RALYL: variants seen among roughly 807,000 people sequenced by gnomAD.
The protein encoded by RALYL is RNA-binding Raly-like protein.
Under a neutral mutation model 35.1 loss-of-function variants are expected in RALYL, and 29 were observed. That is an observed-to-expected ratio of 0.83 (90% CI 0.61 to 1.13). RALYL has a LOEUF of 1.13. RALYL is among the 50% of genes most tolerant of loss of function. The probability of loss-of-function intolerance (pLI) is 0.00; values close to 1 mark genes in which losing one functional copy is unlikely to be tolerated. For missense variants in RALYL, 359 were observed against 360.4 expected (o/e 1.00, Z 0.03); for synonymous variants, 120 against 127.6 (o/e 0.94, Z 0.40).
intron 4 of RALYL, among the ~76,000 whole-genome samples, chr8:84,838,101 T>A (rs1156515173): frequency 5.3e-5 from 8 of 152,142 alleles, no homozygotes; most frequent in Non-Finnish European, 5.9e-5. Context: ...TCTCAGTTTA[T>A]GAGGGAGAAA....
chr8:84,320,085 G>T (rs1844515517), intron 1 of RALYL, among the ~76,000 whole-genome samples: 2 of 151,904 alleles, frequency 1.3e-5, no homozygotes, highest in Non-Finnish European at 2.9e-5. Flanking sequence ...TCTATAGTTG[G>T]AATTCTAATT....
At chr8:84,387,153 G>T (rs1287537218) in intron 1 of RALYL, among the ~76,000 whole-genome samples, 1 of 151,810 alleles carries the variant, frequency 6.6e-6, no homozygotes, top group Non-Finnish European at 1.5e-5. Context: ...AACTAGCAGT[G>T]CCAGGGACAT....
chr8:84,407,624 C>T (rs933639460), intron 1 of RALYL, among the ~76,000 whole-genome samples: 5 of 151,918 alleles, frequency 3.3e-5, no homozygotes, highest in African/African-American at 9.7e-5. Flanking sequence ...ATATATTTAC[C>T]TATATTCTGT....
chr8:84,282,312 T>A (rs77449592), intron 1 of RALYL, among the ~76,000 whole-genome samples: 2,888 of 152,232 alleles, frequency 0.019, 42 homozygotes, highest in Non-Finnish European at 0.031. Context: ...TTCCACCAGG[T>A]CAGGGGTCCT....
intron 2 of RALYL, among the ~76,000 whole-genome samples, chr8:84,693,270 A>C (rs1838442460): frequency 1.3e-5 from 2 of 151,938 alleles, no homozygotes; most frequent in Admixed American, 1.3e-4. Flanking sequence ...GGTTTAATTG[A>C]CTTACAGTTT....
At chr8:84,423,538 A>G (rs1156638848) in intron 1 of RALYL, among the ~76,000 whole-genome samples, 3 of 152,008 alleles carry the variant, frequency 2.0e-5, no homozygotes, top group Non-Finnish European at 4.4e-5. Context: ...TGGAGAATTT[A>G]GTCCATTTAT....
chr8:84,573,000 T>C (rs1808395962), intron 2 of RALYL, among the ~76,000 whole-genome samples: 1 of 151,574 alleles, frequency 6.6e-6, no homozygotes, highest in African/African-American at 2.4e-5. Flanking sequence ...CCAGTGTATC[T>C]TCAAATCCTT....
chr8:84,380,641 C>T (rs1409552584), intron 1 of RALYL, among the ~76,000 whole-genome samples: 2 of 151,852 alleles, frequency 1.3e-5, no homozygotes, highest in Non-Finnish European at 2.9e-5. Flanking sequence ...TGTTTGAAAT[C>T]GTAGAAGTGG....
intron 1 of RALYL, among the ~76,000 whole-genome samples, chr8:84,301,436 G>A (rs941464822): frequency 1.3e-5 from 2 of 152,180 alleles, no homozygotes; most frequent in Non-Finnish European, 2.9e-5. Context: ...CCTATGTAGT[G>A]AGATTGGGGA....
intron 6 of RALYL, chr8:84,865,018 C>T (rs965640410): frequency 5.4e-6 from 1 of 183,968 alleles, no homozygotes; most frequent in Admixed American, 6.1e-5. Flanking sequence ...TTTAGTGAAA[C>T]ATTAATAAAA....
At chr8:84,617,650 A>C (rs1052737438) in intron 2 of RALYL, among the ~76,000 whole-genome samples, 6 of 149,100 alleles carry the variant, frequency 4.0e-5, no homozygotes, top group African/African-American at 1.5e-4. Context: ...GTGGTGAGAG[A>C]GGGCATCCCT....
chr8:84,397,961 TTTC>T (rs2042514503), intron 1 of RALYL, among the ~76,000 whole-genome samples: 1 of 152,230 alleles, frequency 6.6e-6, no homozygotes, highest in African/African-American at 2.4e-5. Context: ...GCCATCTTTC[TTTC>T]TTCTTATGAA....
At chr8:84,877,886 A>G (rs555935919) in intron 7 of RALYL, among the ~76,000 whole-genome samples, 2 of 152,298 alleles carry the variant, frequency 1.3e-5, no homozygotes, top group African/African-American at 4.8e-5. Context: ...TTGACACTTC[A>G]GATTGAATTG....
intron 2 of RALYL, among the ~76,000 whole-genome samples, chr8:84,704,790 T>C (rs1184132221): frequency 6.6e-6 from 1 of 152,126 alleles, no homozygotes; most frequent in Non-Finnish European, 1.5e-5. Flanking sequence ...TATATGTGGT[T>C]ACAAAATATA....
intron 1 of RALYL, among the ~76,000 whole-genome samples, chr8:84,206,362 G>T (rs112499688): frequency 1.3e-5 from 2 of 152,240 alleles, no homozygotes; most frequent in African/African-American, 4.8e-5. Flanking sequence ...CCTCATTTGA[G>T]TAGCTGGGAA....
At chr8:84,391,121 A>G (rs1017328539) in intron 1 of RALYL, among the ~76,000 whole-genome samples, 3 of 152,018 alleles carry the variant, frequency 2.0e-5, no homozygotes, top group Non-Finnish European at 4.4e-5. Context: ...TTGTGAAAAG[A>G]AGACAAGTCA....
chr8:84,215,648 T>G (rs539517377), intron 1 of RALYL, among the ~76,000 whole-genome samples: 3 of 152,260 alleles, frequency 2.0e-5, no homozygotes, highest in African/African-American at 7.2e-5. Flanking sequence ...TTTACTTCCT[T>G]GTCATATTAA....
rs376122696 is a variant in RALYL at position 84,688,305 on chromosome 8, G to A, written c.257-86274G>A. ...ACAGGATACAAATAAAGGCAAATAT[G>A]TATCCAATAAGATAATTTCAAAATA... On this transcript the variant is annotated intron_variant, in intron 2 of 8. Coordinates refer to ENST00000521268, the MANE Select transcript of RALYL (RefSeq NM_173848.7). Among the ~76,000 whole-genome samples the A allele has an allele frequency of 2.6e-5, 4 of 152,004 alleles. No individual in the cohort carries two copies. The East Asian group carries it at 5.8e-4, about 22-fold the overall frequency.
intron 1 of RALYL, among the ~76,000 whole-genome samples, chr8:84,339,437 T>C (rs1416857832): frequency 2.0e-5 from 3 of 151,838 alleles, no homozygotes; most frequent in African/African-American, 7.3e-5. Context: ...GGTTGTGCAC[T>C]CCTTATGAAA....
Sources: allele counts gnomAD v4.1 joint callset (sites outside exome capture counted in the v4.1 genomes callset), GRCh38; gene constraint gnomAD v4.1.1; transcripts MANE v1.5; gene names NCBI Gene and HGNC (gene_info 2026-07-23, HGNC 2026-07-21).